The following SLF1 variants were observed in gnomAD, a reference collection of about 807,000 sequenced individuals.
The protein encoded by SLF1 is SMC5-SMC6 complex localization factor protein 1.
A neutral mutation model predicts 123.0 loss-of-function variants in SLF1; 105 were observed. The ratio of observed to expected loss-of-function variants is 0.85; its 90% CI spans 0.73 to 1.00. The LOEUF (loss-of-function observed/expected upper bound fraction) is 1.00. SLF1 is among the 50% of genes least tolerant of loss of function. SLF1 has a pLI of 0.00. For missense variants in SLF1, 1,239 were observed against 1,223.0 expected (o/e 1.01, Z -0.20); for synonymous variants, 434 against 406.6 (o/e 1.07, Z -0.81).
Position 94,686,605 on chromosome 5 carries a change from T to C in SLF1, c.2008T>C (p.Cys670Arg). Residue 670 changes from cysteine (C) to arginine (R), a missense_variant, in exon 16 of 21, where the codon TGC (cysteine) becomes CGC (arginine). Coordinates refer to ENST00000265140, the MANE Select transcript of SLF1 (RefSeq NM_032290.4). Reference sequence around the variant, plus strand: ...TTCACAGGAATTAGAGATTTTCATTTGCTCCTTTTCCTCCTCCTGGCTTCA... The same window carrying C: ...TTCACAGGAATTAGAGATTTTCATTCGCTCCTTTTCCTCCTCCTGGCTTCA... ...FSSQELEIFI[C>R]SFSSSWLQMF... 1.2e-6 allele frequency: 2 copies of C among 1,614,102 alleles called. No individual in the cohort carries two copies. The highest frequency in any genetic ancestry group is 1.7e-6 in the Non-Finnish European group (2 of 1,179,958).
At position 94,695,287 on chromosome 5, in the gene SLF1, G is replaced by C; in HGVS notation, c.3152G>C (p.Cys1051Ser). ...TTGATGATAACATTGGAAATGATGTGTCGGTCAGTCATGGAGTTTTCATGA... is the reference window on the plus strand; with the variant it reads ...TTGATGATAACATTGGAAATGATGTCTCGGTCAGTCATGGAGTTTTCATGA... ...EALMITLEMM[C>S]RSVMEFS is the part of the protein sequence containing the mutation. Residue 1051 changes from cysteine (C) to serine (S), a missense_variant, in exon 21 of 21, where the codon TGT (cysteine) becomes TCT (serine). Physicochemically the swap from Cys to Ser is moderately radical, Grantham distance 112 (BLOSUM62 -1). Coordinates refer to ENST00000265140, the MANE Select transcript of SLF1 (RefSeq NM_032290.4). 6.2e-7 allele frequency: 1 copy of C among 1,610,366 alleles called. No individual in the cohort carries two copies. The highest frequency in any genetic ancestry group is 8.5e-7 in the Non-Finnish European group (1 of 1,177,772).
chr5:94,650,660 A>G (rs2152478536), intron 6 of SLF1, among the ~76,000 whole-genome samples: 1 of 152,294 alleles, frequency 6.6e-6, no homozygotes, highest in Non-Finnish European at 1.5e-5. Flanking sequence ...AAGAAATTGT[A>G]TATGGCAAGA....
chr5:94,690,932 CTGTGTG>C (rs3084537), intron 18 of SLF1, among the ~76,000 whole-genome samples: 1 of 144,776 alleles, frequency 6.9e-6, no homozygotes, highest in East Asian at 2.0e-4. Flanking sequence ...GTGTGTGTGT[CTGTGTG>C]TGTGTGTGTG....
chr5:94,691,149 T>C (rs77428004), intron 18 of SLF1: 64 of 175,300 alleles, frequency 3.7e-4, no homozygotes, highest in Non-Finnish European at 6.9e-4. Flanking sequence ...AAAAGAGCCA[T>C]ACATTTAATG....
At chr5:94,634,772 G>C (rs1745567845) in intron 4 of SLF1, among the ~76,000 whole-genome samples, 1 of 152,096 alleles carries the variant, frequency 6.6e-6, no homozygotes, top group South Asian at 2.1e-4. Flanking sequence ...ACAGAACTGA[G>C]ATGTAATTTT....
chr5:94,671,080 T>C, intron 14 of SLF1, 72 bp downstream of exon 14: 3 of 1,070,740 alleles, frequency 2.8e-6, no homozygotes, highest in Admixed American at 2.8e-5. Context: ...TTTCCTCTCC[T>C]CTTTATTCTT....
Position 94,629,097 on chromosome 5 carries a change from C to T in SLF1, c.120C>T (p.Tyr40=), listed in dbSNP as rs1304787878. Residue 40 remains tyrosine, a synonymous_variant, in exon 3 of 21, where the codon TAC becomes TAT. Transcript: ENST00000265140. ...ATGTGGATTTTTCCCTCCAGAAATA[C>T]AAAAATTGTACACATCTTATAGCTG... The part of the protein sequence containing the change: ...LDCTFIKSEK[Y]KNCTHLIAER... 6.5e-7 allele frequency: 1 copy of T among 1,538,088 alleles called. No homozygotes were observed. Among genetic ancestry groups the T allele is most frequent in the Non-Finnish European group, 8.8e-7 (1 of 1,141,110 alleles).
At chr5:94,629,725 A>G (rs944625109) in intron 3 of SLF1, 3 of 152,236 alleles carry the variant, frequency 2.0e-5, no homozygotes, top group African/African-American at 7.2e-5. Flanking sequence ...AAAGAAGCAT[A>G]TGTAACTTGG....
chr5:94,670,012 C>A (rs1475816020), intron 12 of SLF1, 139 bp from the exon 13 acceptor site: 2 of 741,272 alleles, frequency 2.7e-6, no homozygotes, highest in African/African-American at 1.9e-5. Flanking sequence ...GAAATATATT[C>A]ATAAAATTTT....
chr5:94,675,022 TGTTTCAAATGC>T (rs1750887790), intron 14 of SLF1, among the ~76,000 whole-genome samples: 1 of 152,236 alleles, frequency 6.6e-6, no homozygotes, highest in Non-Finnish European at 1.5e-5. Flanking sequence ...CACTTTCTCA[TGTTTCAAATGC>T]CAGTGTTTAA....
At chr5:94,642,690 T>C (rs888408147) in intron 4 of SLF1, among the ~76,000 whole-genome samples, 2 of 152,220 alleles carry the variant, frequency 1.3e-5, no homozygotes, top group East Asian at 1.9e-4. Context: ...CATGAAACTT[T>C]TGTGTTGTAT....
intron 12 of SLF1, among the ~76,000 whole-genome samples, chr5:94,669,312 C>G (rs1035651257): frequency 1.3e-5 from 2 of 151,962 alleles, no homozygotes; most frequent in Non-Finnish European, 2.9e-5. Flanking sequence ...TAAGGACTCT[C>G]CTGAGAATGT....
chr5:94,697,608 T>G lies in SLF1; in HGVS notation c.*2296T>G, dbSNP rs554458898. The G allele has an allele frequency of 6.6e-6, 1 of 151,970 alleles. No individual in the cohort carries two copies. Among genetic ancestry groups the G allele is most frequent in the South Asian group, 2.1e-4 (1 of 4,824 alleles). The allele number at this position is 151,970 out of a possible 1,614,324, so 9.4% of individuals were successfully genotyped here. A position where few individuals can be genotyped will look rare whatever the true frequency, so the allele number is the denominator to read the frequency against. ...ATGTAAATAAAGCTGGAGAGGAGAT[T>G]TCTGAGCAGTTAAGATTCAGCTTTT... On this transcript the variant is annotated 3_prime_UTR_variant, in exon 21 of 21. Coordinates refer to ENST00000265140, the MANE Select transcript of SLF1 (RefSeq NM_032290.4).
At chr5:94,693,808 G>C (rs1351673264) in intron 20 of SLF1, among the ~76,000 whole-genome samples, 1 of 149,928 alleles carries the variant, frequency 6.7e-6, no homozygotes, top group Non-Finnish European at 1.5e-5. Context: ...TGAGATGTTG[G>C]CACAGTGAAA....
At chr5:94,651,890 G>A (rs1189799677) in intron 7 of SLF1, 45 bp downstream of exon 7, 20 of 1,011,364 alleles carry the variant, frequency 2.0e-5, no homozygotes, top group Non-Finnish European at 2.7e-5. Context: ...AATATATATA[G>A]TGTTTATAGA....
intron 14 of SLF1, among the ~76,000 whole-genome samples, chr5:94,673,691 T>TAAA (rs35649653): frequency 1.7e-5 from 2 of 119,750 alleles, no homozygotes; most frequent in East Asian, 2.3e-4. Flanking sequence ...CCTTGTCTCT[T>TAAA]AAAAAAAAAA....
At chr5:94,664,334 G>A (rs191480149) in intron 11 of SLF1, among the ~76,000 whole-genome samples, 20 of 152,242 alleles carry the variant, frequency 1.3e-4, no homozygotes, top group Admixed American at 7.9e-4. Flanking sequence ...CCTCTCTGTT[G>A]TCCAGGCTGG....
chr5:94,671,116 G>A, intron 14 of SLF1, 108 bp downstream of exon 14: 1 of 817,054 alleles, frequency 1.2e-6, no homozygotes, highest in Non-Finnish European at 1.8e-6. Context: ...CAATTAAAAT[G>A]TACCCAAATA....
intron 15 of SLF1, among the ~76,000 whole-genome samples, chr5:94,680,423 A>G (rs1751634174): frequency 6.6e-6 from 1 of 152,064 alleles, no homozygotes; most frequent in Non-Finnish European, 1.5e-5. Context: ...ACCCTTTCTT[A>G]TATTTCTTTC....
Sources: allele counts gnomAD v4.1 joint callset (sites outside exome capture counted in the v4.1 genomes callset), GRCh38; gene constraint gnomAD v4.1.1; transcripts MANE v1.5; gene names NCBI Gene and HGNC (gene_info 2026-07-23, HGNC 2026-07-21).